The following ACER2 variants were observed in gnomAD, a reference collection of about 807,000 sequenced individuals.
ACER2 encodes the protein alkCDase 2.
Under a neutral mutation model 34.7 loss-of-function variants are expected in ACER2, and 26 were observed. The observed-to-expected ratio is 0.75, with a 90% CI of 0.55 to 1.04. The LOEUF (loss-of-function observed/expected upper bound fraction) is 1.04, where lower values mean the gene tolerates loss of function less well. Ranked by LOEUF, ACER2 falls within the 50% of genes least tolerant of loss-of-function variation. The pLI is 0.00. For missense variants in ACER2, 352 were observed against 340.8 expected (o/e 1.03, Z -0.26); for synonymous variants, 138 against 132.1 (o/e 1.04, Z -0.31).
chr9:19,420,784 G>A (rs1830381314), intron 1 of ACER2, among the ~76,000 whole-genome samples: 1 of 152,150 alleles, frequency 6.6e-6, no homozygotes, highest in Non-Finnish European at 1.5e-5. Flanking sequence ...TGGGGGTCTG[G>A]CAAGGGCTCC....
At chr9:19,450,428 C>T in intron 5 of ACER2, 22 bp from the exon 6 acceptor site, 2 of 1,568,002 alleles carry the variant, frequency 1.3e-6, no homozygotes, top group African/African-American at 1.3e-5. Context: ...ATCAGGTTCT[C>T]ACCTCTTGTC....
chr9:19,444,458 G>C (rs1442295942), intron 4 of ACER2, among the ~76,000 whole-genome samples: 1 of 151,904 alleles, frequency 6.6e-6, no homozygotes, highest in African/African-American at 2.4e-5. Flanking sequence ...TGGTCCGCCC[G>C]CCTCGGCCTC....
chr9:19,446,692 A>C (rs1426467034), intron 5 of ACER2: 1 of 947,420 alleles, frequency 1.1e-6, no homozygotes, highest in Admixed American at 6.2e-5. Flanking sequence ...TAAAGCCTAA[A>C]GGAGCTTGAG....
At chr9:19,438,520 A>G (rs937418311) in intron 4 of ACER2, among the ~76,000 whole-genome samples, 2 of 152,172 alleles carry the variant, frequency 1.3e-5, no homozygotes, top group African/African-American at 2.4e-5. Flanking sequence ...CCTCTAGCCA[A>G]CTCTGGATGT....
Position 19,409,129 on chromosome 9 carries a change from G to T in ACER2, c.45G>T (p.Ser15=). The T allele has an allele frequency of 1.9e-6, 3 of 1,606,740 alleles. No individual in the cohort carries two copies. Among genetic ancestry groups the T allele is most frequent in the East Asian group, 2.2e-5 (1 of 44,604 alleles). Residue 15 remains serine (S), a synonymous_variant, in exon 1 of 6, where the codon TCG becomes TCT. Transcript: ENST00000340967. ...HWWDQLQAGS[S]EVDWCEDNYT... ...GGGACCAGCTGCAGGCTGGTAGCTC[G>T]GAGGTGGACTGGTGCGAGGACAACT... is the stretch of plus-strand genomic sequence containing the variant.
At chr9:19,439,579 C>T (rs1424370460) in intron 4 of ACER2, among the ~76,000 whole-genome samples, 2 of 152,148 alleles carry the variant, frequency 1.3e-5, no homozygotes, top group Non-Finnish European at 2.9e-5. Context: ...ACATCTGAGT[C>T]TCTACTGCCT....
chr9:19,431,651 G>T (rs976204663), intron 3 of ACER2, among the ~76,000 whole-genome samples: 1 of 152,154 alleles, frequency 6.6e-6, no homozygotes, highest in Non-Finnish European at 1.5e-5. Context: ...AACAGCAGCC[G>T]AGGCCAGGAG....
chr9:19,409,163 G>A lies in ACER2; in HGVS notation c.79G>A (p.Val27Met). The A allele has an allele frequency of 6.2e-7, 1 of 1,605,078 alleles. No homozygotes were observed. Among genetic ancestry groups the A allele is most frequent in the Non-Finnish European group, 8.5e-7 (1 of 1,176,310 alleles). The change falls in exon 1 of 6, where the codon GTG becomes ATG. Residue 27 changes from valine (V) to methionine (M), a missense_variant. Transcript: ENST00000340967. ...VDWCEDNYTI[V>M]PAIAEFYNTI... is the part of the protein sequence containing the mutation. ...CTGGTGCGAGGACAACTACACCATC[G>A]TGCCTGCTATCGCCGAGTTCTACAA...
intron 3 of ACER2, among the ~76,000 whole-genome samples, chr9:19,431,797 C>T (rs1304862585): frequency 6.6e-6 from 1 of 152,170 alleles, no homozygotes; most frequent in Non-Finnish European, 1.5e-5. Flanking sequence ...ATTTCCTGTG[C>T]CTTGATGATG....
At chr9:19,422,156 C>G (rs754552799) in intron 1 of ACER2, among the ~76,000 whole-genome samples, 8 of 151,236 alleles carry the variant, frequency 5.3e-5, no homozygotes, top group Non-Finnish European at 8.8e-5. Context: ...ATAAATAAAG[C>G]CAGGCATGGT....
At chr9:19,424,505 T>C in intron 2 of ACER2, 195 bp from the exon 3 acceptor site, 1 of 984,956 alleles carries the variant, frequency 1.0e-6, no homozygotes, top group Non-Finnish European at 1.2e-6. Context: ...ATTTGGGCCC[T>C]AGTTGAAATC....
At chr9:19,414,932 G>C (rs1359368038) in intron 1 of ACER2, among the ~76,000 whole-genome samples, 1 of 151,406 alleles carries the variant, frequency 6.6e-6, no homozygotes, top group East Asian at 1.9e-4. Flanking sequence ...CATCTCAGTA[G>C]AGATGGATCC....
At chr9:19,417,170 T>G (rs1360503906) in intron 1 of ACER2, among the ~76,000 whole-genome samples, 1 of 152,162 alleles carries the variant, frequency 6.6e-6, no homozygotes, top group Non-Finnish European at 1.5e-5. Flanking sequence ...TTACAAAGGA[T>G]ATGAAGGACC....
chr9:19,434,926 G>T, intron 3 of ACER2, 21 bp from the exon 4 acceptor site: 13 of 1,612,720 alleles, frequency 8.1e-6, no homozygotes, highest in Non-Finnish European at 1.0e-5. Flanking sequence ...AATGGATTTG[G>T]TTTTGCTTTC....
intron 5 of ACER2, among the ~76,000 whole-genome samples, chr9:19,447,494 C>T (rs771812304): frequency 1.3e-5 from 2 of 151,936 alleles, no homozygotes; most frequent in Non-Finnish European, 2.9e-5. Flanking sequence ...ATCCATTGCT[C>T]GATATTTTTT....
chr9:19,438,047 AG>A (rs1237819095), intron 4 of ACER2, among the ~76,000 whole-genome samples: 1 of 152,192 alleles, frequency 6.6e-6, no homozygotes, highest in Non-Finnish European at 1.5e-5. Flanking sequence ...CAAGATACAG[AG>A]TTATGAAATT....
intron 4 of ACER2, among the ~76,000 whole-genome samples, chr9:19,437,793 C>G (rs570384975): frequency 6.6e-6 from 1 of 152,302 alleles, no homozygotes; most frequent in East Asian, 1.9e-4. Context: ...CTTCACGAGG[C>G]CTTTCTTAAC....
In ACER2 at chr9:19,430,628, C is replaced by T. The variant is rs184344827; in HGVS notation, c.366-4319C>T. 1.4e-3 allele frequency among the ~76,000 whole-genome samples: 214 copies of T among 152,172 alleles called. 1 individual carries two copies. Among genetic ancestry groups the T allele is most frequent in the African/African-American group, 5.1e-3 (210 of 41,496 alleles). On this transcript the variant is annotated intron_variant, in intron 3 of 5. Coordinates refer to ENST00000340967, the MANE Select transcript of ACER2 (RefSeq NM_001010887.3). The stretch of plus-strand genomic sequence containing the variant: ...ATTCCTGTACACCTTCTGGACTTGA[C>T]GTGGGGAGGCATCTGCAGATGGCCT...
At chr9:19,429,234 A>G (rs1830675525) in intron 3 of ACER2, among the ~76,000 whole-genome samples, 1 of 152,222 alleles carries the variant, frequency 6.6e-6, no homozygotes, top group African/African-American at 2.4e-5. Context: ...TCTTTAGGAC[A>G]TATACTGAAT....
Sources: gnomAD v4.1 joint callset for allele counts (sites outside exome capture counted in the v4.1 genomes callset) on GRCh38, gnomAD v4.1.1 for gene constraint, MANE v1.5 for transcripts, NCBI Gene and HGNC (gene_info 2026-07-23, HGNC 2026-07-21) for gene names.